Variants in NCOA2 observed in about 807,000 individuals in gnomAD.
NCOA2 encodes the protein class E basic helix-loop-helix protein 75.
Under a neutral mutation model 145.1 loss-of-function variants are expected in NCOA2, and 21 were observed. The ratio of observed to expected loss-of-function variants is 0.14; its 90% confidence interval spans 0.10 to 0.21. The LOEUF is 0.21. Ranked by LOEUF, NCOA2 falls within the 10% of genes least tolerant of loss-of-function variation. NCOA2 has a pLI of 1.00. For missense variants in NCOA2, 1,472 were observed against 1,837.6 expected (o/e 0.80, Z 3.64); for synonymous variants, 619 against 637.5 (o/e 0.97, Z 0.44).
intron 2 of NCOA2, among the ~76,000 whole-genome samples, chr8:70,278,449 C>T (rs1017808352): frequency 1.3e-5 from 2 of 152,094 alleles, no homozygotes; most frequent in African/African-American, 4.8e-5. Flanking sequence ...CATAGGGAGC[C>T]TGGATATCCA....
At chr8:70,413,002 G>A in the NCOA2 span, among the ~76,000 whole-genome samples, 202 of 150,936 alleles carry the variant, frequency 1.3e-3, 1 homozygote, top group Non-Finnish European at 2.4e-3. Context: ...GGAGGCTGAG[G>A]CATGAGAATC....
chr8:70,343,726 G>T (rs576101566), intron 1 of NCOA2, among the ~76,000 whole-genome samples: 1 of 151,728 alleles, frequency 6.6e-6, no homozygotes, highest in African/African-American at 2.4e-5. Context: ...CAGGAGAATC[G>T]CTTGAACCCG....
intron 2 of NCOA2, among the ~76,000 whole-genome samples, chr8:70,292,666 C>A (rs1826786748): frequency 6.6e-6 from 1 of 152,036 alleles, no homozygotes; most frequent in African/African-American, 2.4e-5. Context: ...TAATTTTTGG[C>A]AACCATTCTT....
At chr8:70,120,814 C>T (rs1014447779) in intron 22 of NCOA2, among the ~76,000 whole-genome samples, 3 of 152,102 alleles carry the variant, frequency 2.0e-5, no homozygotes, top group African/African-American at 7.2e-5. Flanking sequence ...AAATAATGTA[C>T]TAGATTGTTC....
chr8:70,267,087 T>C (rs1824661256), intron 2 of NCOA2, among the ~76,000 whole-genome samples: 1 of 152,294 alleles, frequency 6.6e-6, no homozygotes, highest in Non-Finnish European at 1.5e-5. Flanking sequence ...TATATACATC[T>C]ATACAAGAAC....
intron 1 of NCOA2, among the ~76,000 whole-genome samples, chr8:70,377,053 T>G (rs1242177311): frequency 8.2e-6 from 1 of 121,740 alleles, no homozygotes; most frequent in Non-Finnish European, 1.6e-5. Context: ...GTAAATGTGC[T>G]TATACGTTGT....
At chr8:70,356,942 C>T (rs1809752898) in intron 1 of NCOA2, among the ~76,000 whole-genome samples, 1 of 152,180 alleles carries the variant, frequency 6.6e-6, no homozygotes, top group African/African-American at 2.4e-5. Context: ...TTTCATGTCT[C>T]ATAGTCTGTT....
At chr8:70,182,349 CCT>C (rs1216110344) in intron 4 of NCOA2, among the ~76,000 whole-genome samples, 1 of 152,148 alleles carries the variant, frequency 6.6e-6, no homozygotes, top group Non-Finnish European at 1.5e-5. Flanking sequence ...CCAGCAAAAC[CCT>C]CTTACTCTCT....
the NCOA2 span, among the ~76,000 whole-genome samples, chr8:70,430,542 G>A: frequency 1.3e-5 from 2 of 152,000 alleles, no homozygotes; most frequent in African/African-American, 4.8e-5. Flanking sequence ...CTTCTGCCTT[G>A]TGGCAGTTCC....
At chr8:70,127,964 C>T (rs188400629) in intron 18 of NCOA2, among the ~76,000 whole-genome samples, 1 of 152,290 alleles carries the variant, frequency 6.6e-6, no homozygotes, top group Non-Finnish European at 1.5e-5. Flanking sequence ...CTGCAGTGCT[C>T]TCTAGTGTTC....
At chr8:70,154,546 A>C (rs1812083480) in intron 11 of NCOA2, among the ~76,000 whole-genome samples, 1 of 152,164 alleles carries the variant, frequency 6.6e-6, no homozygotes, top group Non-Finnish European at 1.5e-5. Flanking sequence ...CTGAGACTAC[A>C]GGTGCATGCC....
chr8:70,454,918 G>A, the NCOA2 span, among the ~76,000 whole-genome samples: 2 of 152,192 alleles, frequency 1.3e-5, no homozygotes, highest in Non-Finnish European at 2.9e-5. Flanking sequence ...CTGCTTAGTC[G>A]ACATGAAGTT....
chr8:70,263,754 A>G (rs1476608420), intron 2 of NCOA2, among the ~76,000 whole-genome samples: 1 of 151,750 alleles, frequency 6.6e-6, no homozygotes, highest in East Asian at 1.9e-4. Flanking sequence ...AAACAAAATC[A>G]CCCTACAGTT....
chr8:70,226,065 G>A (rs1377170111), intron 2 of NCOA2, among the ~76,000 whole-genome samples: 1 of 149,632 alleles, frequency 6.7e-6, no homozygotes, highest in Non-Finnish European at 1.5e-5. Context: ...CTAAATTGAT[G>A]GTGAATTTGG....
chr8:70,289,374 G>C (rs1420255483), intron 2 of NCOA2, among the ~76,000 whole-genome samples: 1 of 152,118 alleles, frequency 6.6e-6, no homozygotes, highest in Non-Finnish European at 1.5e-5. Context: ...TTATAGTCTA[G>C]GTAAAGATTT....
At chr8:70,245,093 T>C (rs1822499007) in intron 2 of NCOA2, 1 of 152,062 alleles carries the variant, frequency 6.6e-6, no homozygotes, top group Admixed American at 6.6e-5. Context: ...ACAAATACCA[T>C]ACATCACTCA....
rs77062907 is a variant in NCOA2, at chr8:70,266,413, T to C, written c.-20+30331A>G. On this transcript the variant is annotated intron_variant, in intron 2 of 22. Coordinates refer to ENST00000452400, the MANE Select transcript of NCOA2 (RefSeq NM_006540.4). Reference sequence around the variant, plus strand: ...AATTTAACTCTTTGACAGCAGCCATTGCTGAACAATACAATGAAAACTCCT... The same window carrying C: ...AATTTAACTCTTTGACAGCAGCCATCGCTGAACAATACAATGAAAACTCCT... Among the ~76,000 whole-genome samples the C allele has an allele frequency of 2.4e-3, 361 of 152,346 alleles. 3 individuals are homozygous for C. The highest frequency in any genetic ancestry group is 8.1e-3 in the African/African-American group (335 of 41,594).
Position 70,141,291 on chromosome 8 carries a change from C to T in NCOA2, c.2921G>A (p.Arg974Gln), listed in dbSNP as rs747465366. Residue 974 changes from arginine to glutamine, a missense_variant, in exon 14 of 23, where the codon CGG becomes CAG. Physicochemically the swap from Arg to Gln is conservative, Grantham distance 43 (BLOSUM62 1). Transcript: ENST00000452400. ...TCAATTSAMN[R>Q]PVQGGMIRNP... is the part of the protein sequence containing the mutation. The stretch of plus-strand genomic sequence containing the variant: ...CCGAATCATACCTCCTTGGACTGGC[C>T]GGTTCATGGCACTGGTGGTAGCAGC... 3.7e-6 allele frequency: 6 copies of T among 1,613,754 alleles called. No homozygotes were observed. The highest frequency in any genetic ancestry group is 2.2e-5 in the South Asian group (2 of 91,060).
intron 2 of NCOA2, among the ~76,000 whole-genome samples, chr8:70,235,613 G>T (rs535467296): frequency 1.3e-5 from 2 of 152,226 alleles, no homozygotes; most frequent in South Asian, 2.1e-4. Flanking sequence ...GGAGGCCAAG[G>T]CAGGAGGATC....
Sources: allele counts gnomAD v4.1 joint callset (sites outside exome capture counted in the v4.1 genomes callset), GRCh38; gene constraint gnomAD v4.1.1; transcripts MANE v1.5; gene names NCBI Gene and HGNC (gene_info 2026-07-23, HGNC 2026-07-21).